The following ZNF721 variants were observed in gnomAD, a reference collection of about 807,000 sequenced individuals.
ZNF721 encodes the protein zinc finger protein 721.
ZNF721 carries 2 observed loss-of-function variants against 2.4 expected under a neutral mutation model. The observed-to-expected ratio is 0.82, with a 90% confidence interval of 0.34 to 2.58. The LOEUF (loss-of-function observed/expected upper bound fraction) is 2.58, where lower values mean the gene tolerates loss of function less well. Ranked by LOEUF, ZNF721 falls within the 30% of genes most tolerant of loss-of-function variation. The pLI, the probability that ZNF721 is intolerant of heterozygous loss-of-function variation, is 0.11. For synonymous variants in ZNF721, 398 were observed against 381.8 expected (o/e 1.04, Z -0.50); for missense variants, 1,187 against 1,085.5 (o/e 1.09, Z -1.31).
chr4:444,989 T>TC (rs1335396483), intron 2 of ZNF721, among the ~76,000 whole-genome samples: 2 of 146,316 alleles, frequency 1.4e-5, no homozygotes, highest in African/African-American at 2.5e-5. Flanking sequence ...CTTTTTTTTT[T>TC]TTTTTTTTTT....
chr4:485,727 G>A (rs1284178417), intron 1 of ZNF721, among the ~76,000 whole-genome samples: 2 of 152,176 alleles, frequency 1.3e-5, no homozygotes, highest in African/African-American at 4.8e-5. Flanking sequence ...TGTAATCCCA[G>A]CACTTTGGGA....
At chr4:465,630 C>T (rs1553866677) in intron 2 of ZNF721, among the ~76,000 whole-genome samples, 4 of 151,908 alleles carry the variant, frequency 2.6e-5, no homozygotes, top group African/African-American at 9.6e-5. Flanking sequence ...GATGGGTTTC[C>T]ACCATGTTAG....
chr4:473,449 G>A (rs911596586), intron 1 of ZNF721, among the ~76,000 whole-genome samples: 1 of 152,182 alleles, frequency 6.6e-6, no homozygotes, highest in Non-Finnish European at 1.5e-5. Flanking sequence ...GAGGCGCACA[G>A]GGCAAGGGGA....
intron 1 of ZNF721, among the ~76,000 whole-genome samples, chr4:498,536 G>C (rs1553873198): frequency 2.0e-5 from 3 of 152,078 alleles, no homozygotes; most frequent in African/African-American, 4.8e-5. Flanking sequence ...ACACAATGGA[G>C]TACTATTCAG....
chr4:457,220 G>C (rs191731203), intron 2 of ZNF721, among the ~76,000 whole-genome samples: 1 of 152,266 alleles, frequency 6.6e-6, no homozygotes, highest in East Asian at 1.9e-4. Context: ...ATTTGACATA[G>C]AATGTATCAG....
rs781922977 is a variant in ZNF721, at chr4:441,965, C to A, written c.2502G>T (p.Glu834Asp). The A allele has an allele frequency of 4.3e-6, 7 of 1,613,766 alleles. No individual in the cohort carries two copies. Among genetic ancestry groups the A allele is most frequent in the Non-Finnish European group, 5.9e-6 (7 of 1,179,936 alleles). The change falls in exon 3 of 3, where the codon GAG becomes GAT. Residue 834 changes from glutamate (E) to aspartate (D), a missense_variant. Glu to Asp is a conservative substitution (Grantham distance 45). Transcript: ENST00000511833. ...LTKHRRIHTG[E>D]KPYTCEECGK... Reference sequence around the variant, plus strand: ...CACATTCTTCACATGTGTAGGGTTTCTCTCCAGTATGAATTCTCCTATGTT... The same window carrying A: ...CACATTCTTCACATGTGTAGGGTTTATCTCCAGTATGAATTCTCCTATGTT...
chr4:459,182 C>A (rs1343557225), intron 2 of ZNF721, among the ~76,000 whole-genome samples: 1 of 152,108 alleles, frequency 6.6e-6, no homozygotes, highest in Non-Finnish European at 1.5e-5. Flanking sequence ...ACCGGTACCA[C>A]CCTCTGCAAA....
chr4:486,828 C>T lies in ZNF721; in HGVS notation c.-94+12228G>A, dbSNP rs571361644. ...GCTCAGCAATTTTCTCAAATTGTTTCGCTTTTCCCAAGAGACTTCAGAACC... is the reference window on the plus strand; with the variant it reads ...GCTCAGCAATTTTCTCAAATTGTTTTGCTTTTCCCAAGAGACTTCAGAACC... On this transcript the variant is annotated intron_variant, in intron 1 of 2. Coordinates refer to ENST00000511833, the MANE Select transcript of ZNF721 (RefSeq NM_133474.4). Among the ~76,000 whole-genome samples the T allele has an allele frequency of 4.9e-4, 74 of 152,268 alleles. 2 individuals carry two copies. The Middle Eastern group carries it at 0.017, about 35-fold the overall frequency.
intron 2 of ZNF721, among the ~76,000 whole-genome samples, chr4:470,035 A>C (rs998981754): frequency 2.0e-5 from 3 of 152,116 alleles, no homozygotes; most frequent in African/African-American, 7.2e-5. Flanking sequence ...GGCATCCGCC[A>C]CCATGCCCAG....
In ZNF721 at chr4:440,379, T is replaced by C. The variant is rs1465015933; in HGVS notation, c.*1316A>G. On this transcript the variant is annotated 3_prime_UTR_variant, in exon 3 of 3. Coordinates refer to ENST00000511833, the MANE Select transcript of ZNF721 (RefSeq NM_133474.4). Reference sequence around the variant, plus strand: ...ATAGTATAATTTTAGAGTTGAATTATTTGCTTTTGAAAAAAATTTTTACTT... The same window carrying C: ...ATAGTATAATTTTAGAGTTGAATTACTTGCTTTTGAAAAAAATTTTTACTT... 5.3e-5 allele frequency: 8 copies of C among 152,178 alleles called. No homozygotes were observed. Among genetic ancestry groups the C allele is most frequent in the African/African-American group, 1.2e-4 (5 of 41,420 alleles). The allele number at this position is 152,178 out of a possible 1,614,324, so 9.4% of individuals were successfully genotyped here. A position where few individuals can be genotyped will look rare whatever the true frequency, so the allele number is the denominator to read the frequency against.
At chr4:447,545 A>G (rs1553864342) in intron 2 of ZNF721, among the ~76,000 whole-genome samples, 1 of 152,164 alleles carries the variant, frequency 6.6e-6, no homozygotes, top group Admixed American at 6.5e-5. Flanking sequence ...GTGTAAGTCT[A>G]TTTCAGCAAA....
At chr4:469,337 A>G (rs1715356264) in intron 2 of ZNF721, among the ~76,000 whole-genome samples, 1 of 152,188 alleles carries the variant, frequency 6.6e-6, no homozygotes, top group Non-Finnish European at 1.5e-5. Context: ...GAAATTCAAA[A>G]TAAATTTAAC....
intron 2 of ZNF721, among the ~76,000 whole-genome samples, chr4:466,780 T>C (rs1434848042): frequency 6.6e-6 from 1 of 152,186 alleles, no homozygotes; most frequent in Non-Finnish European, 1.5e-5. Flanking sequence ...TATAATCCAG[T>C]CACCTCCCAC....
At chr4:475,870 C>T (rs189999925) in intron 1 of ZNF721, among the ~76,000 whole-genome samples, 3 of 152,170 alleles carry the variant, frequency 2.0e-5, no homozygotes, top group East Asian at 1.9e-4. Context: ...CGTTTTAAGC[C>T]CCTTGTTCTC....
intron 2 of ZNF721, among the ~76,000 whole-genome samples, chr4:469,186 T>C (rs1353096769): frequency 1.3e-5 from 2 of 152,142 alleles, no homozygotes; most frequent in Non-Finnish European, 2.9e-5. Context: ...CCACATGCCT[T>C]GGCCTCTGAA....
Position 481,083 on chromosome 4 carries a change from G to A in ZNF721, c.-93-8382C>T, listed in dbSNP as rs576642767. Reference sequence around the variant, plus strand: ...ACTACAGACACAGGCCACCACACCTGGCTGATTTTTGTATTTTTTGTAGAG... The same window carrying A: ...ACTACAGACACAGGCCACCACACCTAGCTGATTTTTGTATTTTTTGTAGAG... On this transcript the variant is annotated intron_variant, in intron 1 of 2. Transcript: ENST00000511833. 1.4e-4 allele frequency among the ~76,000 whole-genome samples: 22 copies of A among 152,148 alleles called. 1 individual carries two copies. The South Asian group carries it at 4.6e-3, about 32-fold the overall frequency.
intron 1 of ZNF721, among the ~76,000 whole-genome samples, chr4:492,337 T>C (rs782029870): frequency 2.0e-5 from 3 of 152,096 alleles, no homozygotes; most frequent in Admixed American, 6.5e-5. Context: ...GAATATTATG[T>C]TGGAAAAAAA....
rs1714639943 is a variant in ZNF721, at chr4:450,959, ATAT to A, written c.35-6530_35-6528del. Among the ~76,000 whole-genome samples the A allele has an allele frequency of 5.8e-3, 129 of 22,136 alleles. 2 individuals carry two copies. Among genetic ancestry groups the A allele is most frequent in the African/African-American group, 0.02 (94 of 4,614 alleles). The allele number at this position is 22,136 out of a possible 152,430, so 14.5% of individuals were successfully genotyped here. A position where few individuals can be genotyped will look rare whatever the true frequency, so the allele number is the denominator to read the frequency against. ...CTCCAAAAAAAAAAAAAAAAAAAAT[ATAT>A]ATATATATATATATATATATATATA... On this transcript the variant is annotated intron_variant, in intron 2 of 2. Transcript: ENST00000511833.
chr4:495,198 A>G (rs916348668), intron 1 of ZNF721, among the ~76,000 whole-genome samples: 27 of 152,026 alleles, frequency 1.8e-4, no homozygotes, highest in African/African-American at 5.8e-4. Flanking sequence ...TTTTTTTAAC[A>G]AAGACATTTT....
Sources: allele counts gnomAD v4.1 joint callset (sites outside exome capture counted in the v4.1 genomes callset), GRCh38; gene constraint gnomAD v4.1.1; transcripts MANE v1.5; gene names NCBI Gene and HGNC (gene_info 2026-07-23, HGNC 2026-07-21).